Variants in NR3C2 observed in about 807,000 individuals in gnomAD.
NR3C2 encodes the protein nuclear receptor subfamily 3 group C member 2, also known as mineralocorticoid receptor.
In NR3C2, 15 loss-of-function variants were observed where a neutral mutation model predicts 86.4. The observed-to-expected ratio is 0.17, with a 90% CI of 0.12 to 0.27. The LOEUF (loss-of-function observed/expected upper bound fraction) is 0.27, where lower values mean the gene tolerates loss of function less well. NR3C2 is among the 10% of genes least tolerant of loss of function. NR3C2 has a pLI of 1.00. For missense variants in NR3C2, 960 were observed against 1,195.6 expected (o/e 0.80, Z 2.91); for synonymous variants, 458 against 450.5 (o/e 1.02, Z -0.21).
intron 6 of NR3C2, among the ~76,000 whole-genome samples, chr4:148,121,029 C>T (rs1732483948): frequency 6.6e-6 from 1 of 152,140 alleles, no homozygotes; most frequent in Non-Finnish European, 1.5e-5. Context: ...AGCAAGGCAT[C>T]ACTATTTTTT....
At chr4:148,164,925 G>A (rs1470888685) in intron 4 of NR3C2, among the ~76,000 whole-genome samples, 1 of 152,108 alleles carries the variant, frequency 6.6e-6, no homozygotes, top group Non-Finnish European at 1.5e-5. Flanking sequence ...CTAGTTAAAC[G>A]CTGGAACCTA....
intron 6 of NR3C2, among the ~76,000 whole-genome samples, chr4:148,139,618 G>A (rs2149752096): frequency 6.6e-6 from 1 of 152,308 alleles, no homozygotes. Context: ...TGATGATGAT[G>A]TTATACAAGG....
In NR3C2 at chr4:148,306,870, G is replaced by T. The variant is rs962819572; in HGVS notation, c.1758-46753C>A. On this transcript the variant is annotated intron_variant, in intron 2 of 8. Transcript: ENST00000358102. ...GAAATGATAAAAGGAATTTTATAGT[G>T]GATAAACTCATAGTTAAAAGATAAT... Among the ~76,000 whole-genome samples, 3 of 152,022 alleles carry T rather than the reference G, an allele frequency of 2.0e-5. No individual in the cohort carries two copies. In the South Asian group the frequency reaches 6.2e-4, roughly 32 times the overall value.
In NR3C2 at chr4:148,080,910, T is replaced by C. The variant is rs1408666143; in HGVS notation, c.*434A>G. ...TGTTTTTTTAATAACAAAAGAATAT[T>C]AATGCCCCATATTGACTATACGTTT... On this transcript the variant is annotated 3_prime_UTR_variant, in exon 9 of 9. Coordinates refer to ENST00000358102, the MANE Select transcript of NR3C2 (RefSeq NM_000901.5). 2.9e-6 allele frequency: 1 copy of C among 343,402 alleles called. No homozygotes were observed. Among genetic ancestry groups the C allele is most frequent in the African/African-American group, 2.1e-5 (1 of 46,722 alleles). 21.3% of individuals were successfully genotyped at this position (343,402 alleles called of 1,614,324 possible).
At chr4:148,428,550 T>C (rs2126632708) in intron 2 of NR3C2, among the ~76,000 whole-genome samples, 2 of 152,254 alleles carry the variant, frequency 1.3e-5, no homozygotes, top group African/African-American at 4.8e-5. Flanking sequence ...CCATACTAAT[T>C]TCTGGATTTT....
At chr4:148,221,761 G>A (rs1292196420) in intron 3 of NR3C2, among the ~76,000 whole-genome samples, 1 of 151,994 alleles carries the variant, frequency 6.6e-6, no homozygotes, top group African/African-American at 2.4e-5. Flanking sequence ...GGGCGTGGTG[G>A]CAGGTGCCTG....
intron 2 of NR3C2, among the ~76,000 whole-genome samples, chr4:148,402,889 T>A (rs747708272): frequency 4.6e-5 from 7 of 152,106 alleles, no homozygotes; most frequent in African/African-American, 9.6e-5. Flanking sequence ...TGTAAACAAG[T>A]AAATTTATAG....
intron 2 of NR3C2, among the ~76,000 whole-genome samples, chr4:148,269,931 T>C (rs1740591471): frequency 1.3e-5 from 2 of 152,236 alleles, no homozygotes; most frequent in Non-Finnish European, 2.9e-5. Context: ...TGTGACATAA[T>C]GTAACTTTTC....
At chr4:148,197,942 C>A (rs1224330762) in intron 3 of NR3C2, among the ~76,000 whole-genome samples, 1 of 152,024 alleles carries the variant, frequency 6.6e-6, no homozygotes, top group Non-Finnish European at 1.5e-5. Context: ...TCCGTGTACT[C>A]GAGTTCAGTG....
chr4:148,405,801 G>A (rs2126547947), intron 2 of NR3C2, among the ~76,000 whole-genome samples: 1 of 152,320 alleles, frequency 6.6e-6, no homozygotes, highest in Non-Finnish European at 1.5e-5. Flanking sequence ...AGTGTCACTG[G>A]CCTTGCTGGC....
chr4:148,081,262 T>C lies in NR3C2; in HGVS notation c.*82A>G. 8 of 1,570,692 alleles carry C rather than the reference T, an allele frequency of 5.1e-6. No homozygotes were observed. ...CAAGTGTGAATCAACCATCACATGT[T>C]AAAAACAGGTTTTCTTGGGTCCTTC... On this transcript the variant is annotated 3_prime_UTR_variant, in exon 9 of 9. Transcript: ENST00000358102.
intron 2 of NR3C2, among the ~76,000 whole-genome samples, chr4:148,292,665 C>G (rs938394876): frequency 6.6e-6 from 1 of 151,884 alleles, no homozygotes; most frequent in South Asian, 2.1e-4. Context: ...TATGGTCTGA[C>G]GGGGAGTAAG....
At chr4:148,248,284 C>T (rs2149856986) in intron 3 of NR3C2, among the ~76,000 whole-genome samples, 1 of 152,078 alleles carries the variant, frequency 6.6e-6, no homozygotes, top group South Asian at 2.1e-4. Flanking sequence ...ATATTGTATT[C>T]TAAAAAACAA....
At chr4:148,177,763 T>A (rs956342397) in intron 4 of NR3C2, among the ~76,000 whole-genome samples, 2 of 152,158 alleles carry the variant, frequency 1.3e-5, no homozygotes, top group Non-Finnish European at 1.5e-5. Flanking sequence ...GATGCTTGGT[T>A]GTAAGTGGTC....
chr4:148,341,817 A>G (rs1456454060), intron 2 of NR3C2, among the ~76,000 whole-genome samples: 1 of 152,196 alleles, frequency 6.6e-6, no homozygotes, highest in Non-Finnish European at 1.5e-5. Context: ...ATATACATAC[A>G]AACACCACTA....
At chr4:148,136,517 C>T (rs537238193) in intron 6 of NR3C2, among the ~76,000 whole-genome samples, 1 of 152,294 alleles carries the variant, frequency 6.6e-6, no homozygotes, top group South Asian at 2.1e-4. Flanking sequence ...GGTACAGCAT[C>T]TCACGCCTGG....
rs1246328431 is a variant in NR3C2 at position 148,079,190 on chromosome 4, G to GCAA, written c.*2151_*2153dup. On this transcript the variant is annotated 3_prime_UTR_variant, in exon 9 of 9. Coordinates refer to ENST00000358102, the MANE Select transcript of NR3C2 (RefSeq NM_000901.5). ...TTGTAAGTAAGCCATTTGTTTGCTAGCAACTCCCAGTCTGCATGCTGTGTA... is the reference window on the plus strand; with the variant it reads ...TTGTAAGTAAGCCATTTGTTTGCTAGCAACAACTCCCAGTCTGCATGCTGTGTA... 2.6e-5 allele frequency: 4 copies of GCAA among 152,218 alleles called. No individual in the cohort carries two copies. Among genetic ancestry groups the GCAA allele is most frequent in the African/African-American group, 9.7e-5 (4 of 41,444 alleles). 9.4% of individuals were successfully genotyped at this position (152,218 alleles called of 1,614,324 possible).
chr4:148,366,983 A>G (rs1579212394), intron 2 of NR3C2, among the ~76,000 whole-genome samples: 1 of 152,320 alleles, frequency 6.6e-6, no homozygotes, highest in East Asian at 1.9e-4. Context: ...TCCATGGGGT[A>G]TGCTAAGCCT....
intron 4 of NR3C2, among the ~76,000 whole-genome samples, chr4:148,162,677 A>G (rs1734714944): frequency 6.6e-6 from 1 of 152,214 alleles, no homozygotes. Context: ...ACTGCGTCGC[A>G]TGGGGCTGAG....
Sources: gnomAD v4.1 joint callset for allele counts (sites outside exome capture counted in the v4.1 genomes callset) on GRCh38, gnomAD v4.1.1 for gene constraint, MANE v1.5 for transcripts, NCBI Gene and HGNC (gene_info 2026-07-23, HGNC 2026-07-21) for gene names.